Variants in GLIS3 observed in about 807,000 individuals in gnomAD.
GLIS3 encodes GLIS family zinc finger 3.
Under a neutral mutation model 78.6 loss-of-function variants are expected in GLIS3, and 53 were observed. The observed-to-expected ratio is 0.67, with a 90% CI of 0.54 to 0.85. The LOEUF is 0.85. Ranked by LOEUF, GLIS3 falls within the 40% of genes least tolerant of loss-of-function variation. The pLI is 0.00. For missense variants in GLIS3, 1,703 were observed against 1,231.1 expected, an observed-to-expected ratio of 1.38 and a Z score of -5.74; for synonymous variants, 684 against 509.9, an observed-to-expected ratio of 1.34 and a Z score of -4.60.
At chr9:4,189,498 T>C (rs4472573) in intron 2 of GLIS3, among the ~76,000 whole-genome samples, 108,313 of 151,942 alleles carry the variant, frequency 0.71, 39,106 homozygotes, top group South Asian at 0.81. Context: ...GTTCTGTAGA[T>C]GTCTATTAGG....
At chr9:4,356,745 T>C in the GLIS3 span, among the ~76,000 whole-genome samples, 1 of 152,178 alleles carries the variant, frequency 6.6e-6, no homozygotes, top group Non-Finnish European at 1.5e-5. Flanking sequence ...CAACAATGAA[T>C]TTGGAATTTG....
At chr9:4,067,461 G>A (rs1827196444) in intron 4 of GLIS3, among the ~76,000 whole-genome samples, 1 of 152,074 alleles carries the variant, frequency 6.6e-6, no homozygotes, top group Admixed American at 6.6e-5. Context: ...AGGAGAGAAA[G>A]AGCACAGAAC....
intron 2 of GLIS3, among the ~76,000 whole-genome samples, chr9:4,144,595 G>T (rs1834066595): frequency 6.6e-6 from 1 of 152,028 alleles, no homozygotes; most frequent in African/African-American, 2.4e-5. Flanking sequence ...ATTAATAAAA[G>T]GAAATAAAGC....
At chr9:4,023,071 A>G (rs760299515) in intron 4 of GLIS3, among the ~76,000 whole-genome samples, 1 of 152,234 alleles carries the variant, frequency 6.6e-6, no homozygotes, top group Non-Finnish European at 1.5e-5. Context: ...CTATACACAG[A>G]TAAAACTTCA....
At chr9:4,357,074 A>G in the GLIS3 span, among the ~76,000 whole-genome samples, 2 of 152,234 alleles carry the variant, frequency 1.3e-5, no homozygotes, top group Non-Finnish European at 1.5e-5. Context: ...GAACTGAAAC[A>G]AAAGTTCTAT....
At chr9:4,259,801 T>A (rs1825337478) in intron 2 of GLIS3, among the ~76,000 whole-genome samples, 1 of 152,232 alleles carries the variant, frequency 6.6e-6, no homozygotes, top group African/African-American at 2.4e-5. Context: ...TTGCTGGCTT[T>A]TGAGCCTTTC....
intron 2 of GLIS3, among the ~76,000 whole-genome samples, chr9:4,255,400 A>C (rs1391959665): frequency 1.3e-5 from 2 of 152,146 alleles, no homozygotes; most frequent in East Asian, 1.9e-4. Flanking sequence ...TCCACACACA[A>C]AAAAAACCTG....
chr9:4,148,520 C>T (rs1834403517), intron 2 of GLIS3, among the ~76,000 whole-genome samples: 1 of 152,132 alleles, frequency 6.6e-6, no homozygotes, highest in African/African-American at 2.4e-5. Flanking sequence ...GTCTTTTGTG[C>T]TGTGGATCAA....
At chr9:4,482,063 A>G in the GLIS3 span, among the ~76,000 whole-genome samples, 6 of 152,316 alleles carry the variant, frequency 3.9e-5, no homozygotes, top group South Asian at 1.2e-3. Flanking sequence ...ATATGTATTG[A>G]CTATTTGCAT....
At chr9:3,900,854 A>C (rs948615382) in intron 6 of GLIS3, 1 of 151,996 alleles carries the variant, frequency 6.6e-6, no homozygotes, top group African/African-American at 2.4e-5. Flanking sequence ...GGGCCACACC[A>C]CGGTTGAGCC....
chr9:4,449,602 C>T, the GLIS3 span, among the ~76,000 whole-genome samples: 21 of 152,118 alleles, frequency 1.4e-4, no homozygotes, highest in African/African-American at 5.1e-4. Flanking sequence ...GGTGGGAACC[C>T]CATTGGGATG....
intron 2 of GLIS3, among the ~76,000 whole-genome samples, chr9:4,232,775 A>G (rs543215528): frequency 2.0e-5 from 3 of 152,266 alleles, no homozygotes; most frequent in African/African-American, 4.8e-5. Flanking sequence ...TGTCATTCCT[A>G]TTCTTTGTTT....
At chr9:4,058,454 A>AC (rs1245207866) in intron 4 of GLIS3, among the ~76,000 whole-genome samples, 1 of 151,788 alleles carries the variant, frequency 6.6e-6, no homozygotes, top group Non-Finnish European at 1.5e-5. Context: ...CTATTTAAAA[A>AC]AAAAAACAGT....
At chr9:4,361,180 G>A in the GLIS3 span, among the ~76,000 whole-genome samples, 7 of 152,110 alleles carry the variant, frequency 4.6e-5, no homozygotes, top group Non-Finnish European at 7.4e-5. Context: ...TTTGGAAACT[G>A]TCCTCTGTAG....
At chr9:3,961,817 G>C (rs1817576460) in intron 4 of GLIS3, among the ~76,000 whole-genome samples, 1 of 152,110 alleles carries the variant, frequency 6.6e-6, no homozygotes, top group Non-Finnish European at 1.5e-5. Context: ...ACTCTTTTCA[G>C]GCTAAAGGGT....
At position 3,856,000 on chromosome 9, in the gene GLIS3, C is replaced by G; in HGVS notation, c.2473+9G>C. ...TCAAAACTCAAGGGACTGCCAGCTTCTTGCTTACCATGGACATGGATACCA... is the reference window on the plus strand; with the variant it reads ...TCAAAACTCAAGGGACTGCCAGCTTGTTGCTTACCATGGACATGGATACCA... On this transcript the variant is annotated intron_variant, in intron 9 of 10. Coordinates refer to ENST00000381971, the MANE Select transcript of GLIS3 (RefSeq NM_001042413.2). 6.2e-7 allele frequency: 1 copy of G among 1,614,092 alleles called. No individual in the cohort carries two copies. The highest frequency in any genetic ancestry group is 8.5e-7 in the Non-Finnish European group (1 of 1,179,954).
At chr9:4,129,229 T>C (rs1246779026) in intron 2 of GLIS3, among the ~76,000 whole-genome samples, 1 of 152,194 alleles carries the variant, frequency 6.6e-6, no homozygotes, top group Non-Finnish European at 1.5e-5. Context: ...GCTCTGGAGA[T>C]AGCTTGCCTG....
At chr9:4,158,619 A>C (rs758052666) in intron 2 of GLIS3, among the ~76,000 whole-genome samples, 3 of 152,220 alleles carry the variant, frequency 2.0e-5, no homozygotes, top group Non-Finnish European at 4.4e-5. Context: ...TTCACTACTA[A>C]ATGTATTATA....
intron 6 of GLIS3, among the ~76,000 whole-genome samples, chr9:3,900,301 TAAAA>T (rs914608084): frequency 1.3e-5 from 2 of 149,876 alleles, no homozygotes; most frequent in Admixed American, 1.3e-4. Context: ...ATCAAAAACT[TAAAA>T]AAAAACAGTA....
Sources: allele counts gnomAD v4.1 joint callset (sites outside exome capture counted in the v4.1 genomes callset), GRCh38; gene constraint gnomAD v4.1.1; transcripts MANE v1.5; gene names NCBI Gene and HGNC (gene_info 2026-07-23, HGNC 2026-07-21).